The following MSTO1 variants were observed in gnomAD, a reference collection of about 807,000 sequenced individuals.
MSTO1 encodes misato mitochondrial distribution and morphology regulator 1, also known as protein misato homolog 1.
MSTO1 carries 24 observed loss-of-function variants against 55.7 expected under a neutral mutation model. The observed-to-expected ratio is 0.43, with a 90% CI of 0.31 to 0.61. The LOEUF is 0.61. Among genes scored for constraint, MSTO1 ranks in the 20% least tolerant of loss-of-function variants. The pLI is 0.09. For missense variants in MSTO1, 363 were observed against 625.7 expected (o/e 0.58, Z 4.48); for synonymous variants, 162 against 252.8 (o/e 0.64, Z 3.41).
the MSTO1 span, among the ~76,000 whole-genome samples, chr1:155,602,962 T>A: frequency 6.6e-6 from 1 of 152,114 alleles, no homozygotes; most frequent in Non-Finnish European, 1.5e-5. Context: ...TAAAGCAGAG[T>A]CACCTAAGAG....
At chr1:155,600,820 T>A in the MSTO1 span, among the ~76,000 whole-genome samples, 1 of 151,410 alleles carries the variant, frequency 6.6e-6, no homozygotes, top group Non-Finnish European at 1.5e-5. Flanking sequence ...GGGACTAAAG[T>A]CACCTGCCAC....
chr1:155,591,389 A>T, the MSTO1 span: 1 of 721,826 alleles, frequency 1.4e-6, no homozygotes. Flanking sequence ...AAACTGCAGG[A>T]TGTTCATTCT....
At chr1:155,567,026 G>A in the MSTO1 span, among the ~76,000 whole-genome samples, 1 of 151,930 alleles carries the variant, frequency 6.6e-6, no homozygotes, top group Non-Finnish European at 1.5e-5. Flanking sequence ...ACTACTGTTG[G>A]GCAGGAACTT....
chr1:155,598,733 A>G, the MSTO1 span: 5 of 575,686 alleles, frequency 8.7e-6, no homozygotes, highest in East Asian at 1.8e-4. Context: ...AACAGCAAGA[A>G]CAACAAAAAA....
the MSTO1 span, among the ~76,000 whole-genome samples, chr1:155,603,190 C>T: frequency 2.6e-5 from 4 of 151,912 alleles, no homozygotes; most frequent in African/African-American, 7.3e-5. Flanking sequence ...CATGGTGAAA[C>T]CCCATCTCTA....
the MSTO1 span, among the ~76,000 whole-genome samples, chr1:155,567,324 T>G: frequency 1.3e-5 from 2 of 150,306 alleles, no homozygotes; most frequent in Admixed American, 1.3e-4. Context: ...TTTTTTTTTT[T>G]TTTTTGAGAC....
At chr1:155,576,193 G>A in the MSTO1 span, among the ~76,000 whole-genome samples, 1 of 152,082 alleles carries the variant, frequency 6.6e-6, no homozygotes, top group Non-Finnish European at 1.5e-5. Context: ...GATAAGTTAA[G>A]TTCTATGTGA....
chr1:155,580,457 C>A, the MSTO1 span, among the ~76,000 whole-genome samples: 1 of 152,028 alleles, frequency 6.6e-6, no homozygotes, highest in Admixed American at 6.6e-5. Context: ...ATCATTTCGG[C>A]CTGAGAGTTC....
chr1:155,587,514 C>A, the MSTO1 span, among the ~76,000 whole-genome samples: 1 of 146,028 alleles, frequency 6.8e-6, no homozygotes, highest in Non-Finnish European at 1.5e-5. Flanking sequence ...GAGGCCGAGG[C>A]GGGTGGATCA....
chr1:155,583,747 C>G, the MSTO1 span, among the ~76,000 whole-genome samples: 5 of 152,052 alleles, frequency 3.3e-5, no homozygotes, highest in Admixed American at 6.6e-5. Context: ...TCCACAGGCA[C>G]GCCTATGGAA....
chr1:155,604,410 C>G, the MSTO1 span, among the ~76,000 whole-genome samples: 1 of 152,064 alleles, frequency 6.6e-6, no homozygotes, highest in Non-Finnish European at 1.5e-5. Context: ...AAACTAGAAA[C>G]CAGTAACAAA....
the MSTO1 span, among the ~76,000 whole-genome samples, chr1:155,603,571 T>C: frequency 2.6e-5 from 4 of 151,712 alleles, no homozygotes; most frequent in Non-Finnish European, 5.9e-5. Flanking sequence ...AAAGATGAAG[T>C]CCCAGACCTG....
the MSTO1 span, among the ~76,000 whole-genome samples, chr1:155,600,923 G>A: frequency 1.7e-4 from 25 of 149,904 alleles, no homozygotes; most frequent in Admixed American, 3.3e-4. Context: ...TGATGCGACC[G>A]CCTTGGCCTC....
At chr1:155,579,903 C>T in the MSTO1 span, among the ~76,000 whole-genome samples, 19 of 151,874 alleles carry the variant, frequency 1.3e-4, no homozygotes, top group Admixed American at 3.3e-4. Flanking sequence ...AATGGTGAAA[C>T]CTCGTCTCTA....
In MSTO1 at chr1:155,613,140, G is replaced by C; in HGVS notation, c.1190G>C (p.Trp397Ser). 6.2e-7 allele frequency: 1 copy of C among 1,614,028 alleles called. No homozygotes were observed. The highest frequency in any genetic ancestry group is 8.5e-7 in the Non-Finnish European group (1 of 1,179,994). ...SLMQFGGATP[W>S]TPLSACGEPS... ...ATGCAGTTTGGAGGAGCCACCCCAT[G>C]GACCCCACTGTCTGCATGTGGGGAG... Residue 397 changes from tryptophan to serine, a missense_variant, in exon 11 of 14, where the codon TGG becomes TCG. Physicochemically the swap from Trp to Ser is radical, Grantham distance 177 (BLOSUM62 -3). Around this residue, in one of 3 missense-constraint regions of MSTO1, gnomAD observed 231 missense variants for 286.9 expected, o/e 0.81. Transcript: ENST00000245564.
the MSTO1 span, chr1:155,602,142 C>G: frequency 1.8e-5 from 13 of 709,124 alleles, no homozygotes; most frequent in South Asian, 1.8e-4. Flanking sequence ...TTTGATCAAC[C>G]TTTAGAGGTT....
chr1:155,591,895 G>A, the MSTO1 span, among the ~76,000 whole-genome samples: 351 of 148,014 alleles, frequency 2.4e-3, 1 homozygote, highest in African/African-American at 9.1e-3. Flanking sequence ...TGCGGGCCCA[G>A]GAATTTGAGA....
At chr1:155,568,768 G>A in the MSTO1 span, among the ~76,000 whole-genome samples, 3 of 152,142 alleles carry the variant, frequency 2.0e-5, no homozygotes, top group South Asian at 4.2e-4. Context: ...TTTTGTTTAC[G>A]AAAATGTTTG....
At chr1:155,567,665 G>A in the MSTO1 span, among the ~76,000 whole-genome samples, 1 of 151,696 alleles carries the variant, frequency 6.6e-6, no homozygotes, top group Non-Finnish European at 1.5e-5. Context: ...TGAACTCCTG[G>A]CCTTAGGTGA....
Sources: gnomAD v4.1 joint callset for allele counts (sites outside exome capture counted in the v4.1 genomes callset) on GRCh38, gnomAD v4.1.1 for gene constraint, gnomAD v4.1.1 regional missense constraint, MANE v1.5 for transcripts, NCBI Gene and HGNC (gene_info 2026-07-23, HGNC 2026-07-21) for gene names.